CD247: variants seen among roughly 807,000 people sequenced by gnomAD.
CD247 encodes the protein T-cell surface glycoprotein CD3 zeta chain.
Under a neutral mutation model 30.0 loss-of-function variants are expected in CD247, and 13 were observed. The observed-to-expected ratio is 0.43, with a 90% CI of 0.28 to 0.69. The LOEUF (loss-of-function observed/expected upper bound fraction) is 0.69, where lower values mean the gene tolerates loss of function less well. Among genes scored for constraint, CD247 ranks in the 30% least tolerant of loss-of-function variants. The probability of loss-of-function intolerance (pLI) is 0.16; values close to 1 mark genes in which losing one functional copy is unlikely to be tolerated. For missense variants in CD247, 193 were observed against 212.6 expected (o/e 0.91, Z 0.57); for synonymous variants, 72 against 80.0 (o/e 0.90, Z 0.53).
intron 1 of CD247, among the ~76,000 whole-genome samples, chr1:167,488,351 T>G (rs1050198645): frequency 1.3e-5 from 2 of 152,260 alleles, no homozygotes; most frequent in Non-Finnish European, 2.9e-5. Flanking sequence ...GAAGGATGAT[T>G]GCAATGGGGT....
intron 1 of CD247, among the ~76,000 whole-genome samples, chr1:167,509,997 C>G (rs1487559524): frequency 2.0e-5 from 3 of 152,188 alleles, no homozygotes; most frequent in African/African-American, 7.2e-5. Context: ...TCTCCATGAT[C>G]CGACAGAGGT....
intron 1 of CD247, among the ~76,000 whole-genome samples, chr1:167,486,842 G>A (rs549417714): frequency 1.3e-4 from 20 of 152,332 alleles, no homozygotes; most frequent in African/African-American, 4.6e-4. Context: ...GGAAGACCGA[G>A]GTGGGTGGAT....
intron 1 of CD247, among the ~76,000 whole-genome samples, chr1:167,468,719 A>G (rs1174880293): frequency 2.6e-5 from 4 of 152,184 alleles, no homozygotes; most frequent in Non-Finnish European, 5.9e-5. Context: ...AGGGAAACCA[A>G]GGCTGAGAAC....
At chr1:167,475,440 C>A (rs184185816) in intron 1 of CD247, among the ~76,000 whole-genome samples, 3 of 152,094 alleles carry the variant, frequency 2.0e-5, no homozygotes, top group African/African-American at 2.4e-5. Context: ...TCAGGGTAAC[C>A]AAATAGTTAA....
intron 6 of CD247, among the ~76,000 whole-genome samples, chr1:167,433,486 G>A (rs565815936): frequency 6.6e-6 from 1 of 152,314 alleles, no homozygotes; most frequent in Admixed American, 6.5e-5. Context: ...CCAGCTAGAA[G>A]ACCTTGGGTA....
At chr1:167,463,996 C>T (rs1653132770) in intron 1 of CD247, among the ~76,000 whole-genome samples, 1 of 152,084 alleles carries the variant, frequency 6.6e-6, no homozygotes, top group Non-Finnish European at 1.5e-5. Context: ...TAAAACATCC[C>T]AGAAATCCTG....
intron 1 of CD247, among the ~76,000 whole-genome samples, chr1:167,469,512 TAAC>T (rs1023762109): frequency 6.6e-6 from 1 of 152,208 alleles, no homozygotes; most frequent in African/African-American, 2.4e-5. Context: ...TTGGGACACT[TAAC>T]TACACTCATT....
intron 1 of CD247, among the ~76,000 whole-genome samples, chr1:167,445,603 T>C (rs1295894029): frequency 6.6e-6 from 1 of 152,092 alleles, no homozygotes; most frequent in Admixed American, 6.5e-5. Flanking sequence ...AACAGGAAGA[T>C]TCTGGAGCCC....
At chr1:167,486,828 C>T (rs1558021588) in intron 1 of CD247, among the ~76,000 whole-genome samples, 2 of 152,204 alleles carry the variant, frequency 1.3e-5, no homozygotes, top group Non-Finnish European at 2.9e-5. Flanking sequence ...AATCCCAGCA[C>T]TTTGGAAGAC....
intron 1 of CD247, among the ~76,000 whole-genome samples, chr1:167,453,819 G>C (rs879792401): frequency 2.0e-5 from 3 of 152,070 alleles, no homozygotes; most frequent in Non-Finnish European, 4.4e-5. Context: ...AATTAGCTGG[G>C]TGTGGTGGCA....
chr1:167,434,246 C>G, intron 5 of CD247, 170 bp from the exon 6 acceptor site: 1 of 686,678 alleles, frequency 1.5e-6, no homozygotes, highest in East Asian at 2.7e-5. Context: ...TGCCCACAAC[C>G]AGCTCCAGCC....
intron 1 of CD247, among the ~76,000 whole-genome samples, chr1:167,487,064 A>T (rs1459959562): frequency 2.1e-5 from 3 of 140,546 alleles, no homozygotes; most frequent in African/African-American, 8.1e-5. Flanking sequence ...ACAGAGCAAG[A>T]CTCCATTTCA....
rs752899184 is a variant in CD247, at chr1:167,430,732, C to T, written c.*949G>A. On this transcript the variant is annotated 3_prime_UTR_variant, in exon 8 of 8. Transcript: ENST00000362089. ...AGTAGAAAAAAAGCAGAGTAGAGAG[C>T]GTTTTCCATCCATGGCCTGTGCCCT... 9.5e-5 allele frequency: 38 copies of T among 398,548 alleles called. No homozygotes were observed. Among genetic ancestry groups the T allele is most frequent in the African/African-American group, 2.1e-4 (10 of 48,638 alleles). 24.7% of individuals were successfully genotyped at this position (398,548 alleles called of 1,614,324 possible). A position where few individuals can be genotyped will look rare whatever the true frequency, so the allele number is the denominator to read the frequency against.
intron 1 of CD247, among the ~76,000 whole-genome samples, chr1:167,453,795 A>G (rs1032432967): frequency 1.1e-4 from 16 of 152,102 alleles, no homozygotes; most frequent in Non-Finnish European, 1.0e-4. Flanking sequence ...CTCTGCAAAT[A>G]ATGACAATAA....
chr1:167,447,236 G>T (rs1652128225), intron 1 of CD247, among the ~76,000 whole-genome samples: 1 of 152,150 alleles, frequency 6.6e-6, no homozygotes, highest in South Asian at 2.1e-4. Flanking sequence ...TGACGTTGCA[G>T]CTCCAATAGG....
chr1:167,431,114 A>T lies in CD247; in HGVS notation c.*567T>A, dbSNP rs960794350. 1 of 413,610 alleles carries T rather than the reference A, an allele frequency of 2.4e-6. No individual in the cohort carries two copies. Among genetic ancestry groups the T allele is most frequent in the African/African-American group, 2.1e-5 (1 of 48,592 alleles). 25.6% of individuals were successfully genotyped at this position (413,610 alleles called of 1,614,324 possible). A position where few individuals can be genotyped will look rare whatever the true frequency, so the allele number is the denominator to read the frequency against. On this transcript the variant is annotated 3_prime_UTR_variant, in exon 8 of 8. Coordinates refer to ENST00000362089, the MANE Select transcript of CD247 (RefSeq NM_198053.3). Reference sequence around the variant, plus strand: ...CTGGCTGACCCTCCCCTGCCCGCCCACCTTCCCATGCCCCTGCAGCTCCCT... The same window carrying T: ...CTGGCTGACCCTCCCCTGCCCGCCCTCCTTCCCATGCCCCTGCAGCTCCCT...
At chr1:167,440,879 T>C in intron 1 of CD247, 112 bp from the exon 2 acceptor site, 1 of 721,186 alleles carries the variant, frequency 1.4e-6, no homozygotes. Context: ...ACACGGAGAC[T>C]ATATCCAATC....
chr1:167,450,686 A>C (rs937683600), intron 1 of CD247, among the ~76,000 whole-genome samples: 2 of 152,146 alleles, frequency 1.3e-5, no homozygotes, highest in African/African-American at 2.4e-5. Flanking sequence ...AGGCCGAGGC[A>C]GGCAGATCAC....
intron 1 of CD247, among the ~76,000 whole-genome samples, chr1:167,465,514 A>G (rs965035430): frequency 4.0e-5 from 6 of 151,690 alleles, no homozygotes; most frequent in Non-Finnish European, 7.4e-5. Context: ...TATTTTTAGT[A>G]GAGACGGGGT....
Sources: allele counts gnomAD v4.1 joint callset (sites outside exome capture counted in the v4.1 genomes callset), GRCh38; gene constraint gnomAD v4.1.1; transcripts MANE v1.5; gene names NCBI Gene and HGNC (gene_info 2026-07-23, HGNC 2026-07-21).